Variants in PEAK1 observed in about 807,000 individuals in gnomAD.
PEAK1 encodes pseudopodium enriched atypical kinase 1.
In PEAK1, 54 loss-of-function variants were observed where a neutral mutation model predicts 124.7. That is an observed-to-expected ratio of 0.43 (90% CI 0.35 to 0.54). PEAK1 has a LOEUF of 0.54. PEAK1 is among the 20% of genes least tolerant of loss of function. The probability of loss-of-function intolerance (pLI) is 0.01; values close to 1 mark genes in which losing one functional copy is unlikely to be tolerated. For synonymous variants in PEAK1, 719 were observed against 760.0 expected (o/e 0.95, Z 0.89); for missense variants, 2,046 against 2,134.5 (o/e 0.96, Z 0.82).
At chr15:77,368,287 G>T (rs949843515) in intron 1 of PEAK1, among the ~76,000 whole-genome samples, 2 of 152,064 alleles carry the variant, frequency 1.3e-5, no homozygotes, top group Admixed American at 1.3e-4. Context: ...AGGCCAAGGC[G>T]GGCGGATCAC....
intron 8 of PEAK1, among the ~76,000 whole-genome samples, chr15:77,141,738 C>T (rs1484934776): frequency 6.6e-6 from 1 of 152,148 alleles, no homozygotes; most frequent in Non-Finnish European, 1.5e-5. Flanking sequence ...TTAAGGCCAA[C>T]TGATTTTTGA....
chr15:77,168,869 G>T (rs1401277297), intron 7 of PEAK1, among the ~76,000 whole-genome samples: 1 of 152,174 alleles, frequency 6.6e-6, no homozygotes, highest in Admixed American at 6.5e-5. Flanking sequence ...GATGATTCTG[G>T]AAGTCCTAAA....
Position 77,179,605 on chromosome 15 carries a change from G to C in PEAK1, c.2322C>G (p.Ile774Met). Residue 774 changes from isoleucine (I) to methionine (M), a missense_variant, in exon 7 of 10, where the codon ATC (isoleucine) becomes ATG (methionine). Physicochemically the swap from Ile to Met is conservative, Grantham distance 10. Transcript: ENST00000682557. Reference sequence around the variant, plus strand: ...TTTCTGGAGGAGACTGTGGGGGTTGGATTGAAGCCACAATCTGAGAAAGCA... The same window carrying C: ...TTTCTGGAGGAGACTGTGGGGGTTGCATTGAAGCCACAATCTGAGAAAGCA... ...STVLSQIVASIQPPQSPPETP... is the reference protein window; with the variant it reads ...STVLSQIVASMQPPQSPPETP... 6.2e-7 allele frequency: 1 copy of C among 1,614,134 alleles called. No individual in the cohort carries two copies. Among genetic ancestry groups the C allele is most frequent in the Non-Finnish European group, 8.5e-7 (1 of 1,180,012 alleles).
At chr15:77,210,291 T>G (rs1009819420) in intron 6 of PEAK1, among the ~76,000 whole-genome samples, 1 of 152,220 alleles carries the variant, frequency 6.6e-6, no homozygotes, top group Non-Finnish European at 1.5e-5. Context: ...AATATATTGA[T>G]GGACAAGTCA....
chr15:77,363,936 C>A (rs1019795806), intron 2 of PEAK1, among the ~76,000 whole-genome samples: 1 of 152,106 alleles, frequency 6.6e-6, no homozygotes, highest in African/African-American at 2.4e-5. Context: ...AGGTGGCTCA[C>A]ACCTGTAATC....
At chr15:77,306,245 GAAGAGTTTAAAGGACT>G (rs201885176) in intron 2 of PEAK1, among the ~76,000 whole-genome samples, 1,883 of 151,808 alleles carry the variant, frequency 0.012, 38 homozygotes, top group African/African-American at 0.042. Context: ...AATTAGTCAG[GAAGAGTTTAAAGGACT>G]AAGAGTTTAA....
At chr15:77,337,904 C>A (rs1468616355) in intron 2 of PEAK1, 2 of 984,802 alleles carry the variant, frequency 2.0e-6, no homozygotes, top group Non-Finnish European at 2.4e-6. Context: ...CATTAAATTA[C>A]AGCTAAATCT....
At position 77,136,876 on chromosome 15, in the gene PEAK1, G is replaced by A. The variant is rs111647920; in HGVS notation, c.3332-3126C>T. ...TCCAGGGCATGTCAACGGTCTTCAC[G>A]GCAGACCCTCCCATCAGAGGCCCGA... On this transcript the variant is annotated intron_variant, in intron 8 of 9. Coordinates refer to ENST00000682557, the MANE Select transcript of PEAK1 (RefSeq NM_001385026.1). 3.3e-3 allele frequency among the ~76,000 whole-genome samples: 502 copies of A among 152,292 alleles called. 5 individuals are homozygous for A. Among genetic ancestry groups the A allele is most frequent in the African/African-American group, 0.012 (483 of 41,556 alleles).
At chr15:77,121,771 T>C (rs1186983079) in intron 9 of PEAK1, among the ~76,000 whole-genome samples, 1 of 152,232 alleles carries the variant, frequency 6.6e-6, no homozygotes, top group East Asian at 1.9e-4. Context: ...CTCATTTCCA[T>C]CTCACTCTAT....
At chr15:77,285,383 A>C (rs1466132919) in intron 3 of PEAK1, among the ~76,000 whole-genome samples, 1 of 152,208 alleles carries the variant, frequency 6.6e-6, no homozygotes, top group East Asian at 1.9e-4. Context: ...TTACTTCATC[A>C]GAAAGTAAAT....
At chr15:77,313,648 A>ATGTG (rs1220086755) in intron 2 of PEAK1, among the ~76,000 whole-genome samples, 6,984 of 86,226 alleles carry the variant, frequency 0.081, 242 homozygotes, top group African/African-American at 0.13. Context: ...GTATGTATGT[A>ATGTG]TGTATGTGTG....
chr15:77,259,288 T>C (rs1366888501), intron 5 of PEAK1, among the ~76,000 whole-genome samples: 2 of 152,224 alleles, frequency 1.3e-5, no homozygotes, highest in Admixed American at 6.5e-5. Context: ...TTCCTTCATA[T>C]TTCTAATGAA....
At position 77,109,344 on chromosome 15, in the gene PEAK1, T is replaced by C. The variant is rs1453927995; in HGVS notation, c.*4812A>G. 6.6e-6 allele frequency: 1 copy of C among 152,228 alleles called. No individual in the cohort carries two copies. The highest frequency in any genetic ancestry group is 6.5e-5 in the Admixed American group (1 of 15,276). The allele number at this position is 152,228 out of a possible 1,614,324, so 9.4% of individuals were successfully genotyped here. A position where few individuals can be genotyped will look rare whatever the true frequency, so the allele number is the denominator to read the frequency against. On this transcript the variant is annotated 3_prime_UTR_variant, in exon 10 of 10. Coordinates refer to ENST00000682557, the MANE Select transcript of PEAK1 (RefSeq NM_001385026.1). ...TCATCATCATCATCATCTTCTAATA[T>C]ACAAAATGGACTTCTTTTTAAAAAG... is the stretch of plus-strand genomic sequence containing the variant.
At chr15:77,126,622 G>A (rs2052398414) in intron 9 of PEAK1, among the ~76,000 whole-genome samples, 1 of 152,074 alleles carries the variant, frequency 6.6e-6, no homozygotes, top group African/African-American at 2.4e-5. Flanking sequence ...TTATAAAACT[G>A]TTTCACTACA....
intron 5 of PEAK1, among the ~76,000 whole-genome samples, chr15:77,266,549 A>T (rs2061743212): frequency 6.6e-6 from 1 of 152,232 alleles, no homozygotes; most frequent in Admixed American, 6.5e-5. Flanking sequence ...GCAAAATCTC[A>T]TGACATAATG....
Position 77,409,963 on chromosome 15 carries a change from T to C in PEAK1, c.-666+10043A>G, listed in dbSNP as rs748014735. ...AGCTGGTAAATTCAAATCCAGGCAG[T>C]GTGACTTCTGAACTAGAATTCTTGA... On this transcript the variant is annotated intron_variant, in intron 1 of 9. Coordinates refer to ENST00000682557, the MANE Select transcript of PEAK1 (RefSeq NM_001385026.1). Among the ~76,000 whole-genome samples the C allele has an allele frequency of 2.0e-5, 3 of 152,310 alleles. No individual in the cohort carries two copies. The South Asian group carries it at 6.2e-4, about 32-fold the overall frequency.
chr15:77,196,414 T>C (rs924225112), intron 6 of PEAK1, among the ~76,000 whole-genome samples: 1 of 152,206 alleles, frequency 6.6e-6, no homozygotes, highest in Non-Finnish European at 1.5e-5. Context: ...CTCATACTCA[T>C]CACTCTTCTA....
intron 6 of PEAK1, among the ~76,000 whole-genome samples, chr15:77,215,795 C>G (rs1020107023): frequency 2.0e-4 from 31 of 152,082 alleles, no homozygotes; most frequent in African/African-American, 7.0e-4. Flanking sequence ...AGCCAATGAT[C>G]TTTTAAAGAA....
intron 6 of PEAK1, among the ~76,000 whole-genome samples, chr15:77,227,721 G>A (rs1596727813): frequency 6.6e-6 from 1 of 152,056 alleles, no homozygotes; most frequent in Non-Finnish European, 1.5e-5. Flanking sequence ...AATGAGGCTG[G>A]GCACAGTTGC....
Sources: allele counts gnomAD v4.1 joint callset (sites outside exome capture counted in the v4.1 genomes callset), GRCh38; gene constraint gnomAD v4.1.1; transcripts MANE v1.5; gene names NCBI Gene and HGNC (gene_info 2026-07-23, HGNC 2026-07-21).